ZDHHC15: variants seen among roughly 807,000 people sequenced by gnomAD.
ZDHHC15 encodes the protein palmitoyltransferase ZDHHC15.
ZDHHC15 carries 19 observed loss-of-function variants against 31.7 expected under a neutral mutation model. The observed-to-expected ratio is 0.60, with a 90% CI of 0.42 to 0.88. ZDHHC15 has a LOEUF of 0.88. Among genes scored for constraint, ZDHHC15 ranks in the 40% least tolerant of loss-of-function variants. The pLI is 0.00. For synonymous variants in ZDHHC15, 103 were observed against 90.0 expected (o/e 1.14, Z -0.82); for missense variants, 209 against 251.2 (o/e 0.83, Z 1.14).
chrX:75,449,443 A>G, intron 4 of ZDHHC15, among the ~76,000 whole-genome samples: 1 of 111,688 alleles, frequency 9.0e-6, no homozygotes, highest in Non-Finnish European at 1.9e-5. Flanking sequence ...ACCATTACCC[A>G]GATTCAACAA....
intron 7 of ZDHHC15, among the ~76,000 whole-genome samples, chrX:75,426,449 T>C (rs544883643): frequency 9.1e-6 from 1 of 110,361 alleles, no homozygotes; most frequent in South Asian, 3.9e-4. Flanking sequence ...TAAACTTTTT[T>C]TTTTTTTTAG....
At chrX:75,468,772 A>T (rs2084454521) in intron 3 of ZDHHC15, among the ~76,000 whole-genome samples, 1 of 112,014 alleles carries the variant, frequency 8.9e-6, no homozygotes, top group Admixed American at 9.5e-5. Context: ...CTATCCTAGT[A>T]GGTATCTATC....
intron 10 of ZDHHC15, among the ~76,000 whole-genome samples, chrX:75,415,551 T>C (rs5981357): frequency 7.1e-5 from 8 of 112,058 alleles, no homozygotes; most frequent in African/African-American, 2.6e-4. Context: ...CCTAGCATTG[T>C]AGTGGAAAAA....
At chrX:75,456,567 G>A (rs1485631343) in intron 3 of ZDHHC15, among the ~76,000 whole-genome samples, 1 of 111,583 alleles carries the variant, frequency 9.0e-6, no homozygotes, top group Non-Finnish European at 1.9e-5. Flanking sequence ...TGTCAAGGAT[G>A]TGGAGAAAGA....
intron 10 of ZDHHC15, among the ~76,000 whole-genome samples, chrX:75,393,229 A>G (rs1204077965): frequency 9.0e-6 from 1 of 111,423 alleles, no homozygotes; most frequent in East Asian, 2.8e-4. Flanking sequence ...CAAAATGTTC[A>G]GGTGGCAATC....
At chrX:75,487,074 C>T (rs2147998286) in intron 2 of ZDHHC15, among the ~76,000 whole-genome samples, 1 of 111,739 alleles carries the variant, frequency 8.9e-6, no homozygotes, top group Non-Finnish European at 1.9e-5. Context: ...GGCCAGCCAA[C>T]TCAAGCCATT....
At chrX:75,465,406 T>G (rs1208939837) in intron 3 of ZDHHC15, among the ~76,000 whole-genome samples, 1 of 111,977 alleles carries the variant, frequency 8.9e-6, no homozygotes, top group Non-Finnish European at 1.9e-5. Flanking sequence ...GATTGAATGC[T>G]ATTCCCATTA....
intron 2 of ZDHHC15, among the ~76,000 whole-genome samples, chrX:75,485,437 G>A: frequency 9.0e-6 from 1 of 110,870 alleles, no homozygotes; most frequent in Middle Eastern, 4.6e-3. Flanking sequence ...AGCTATGGTG[G>A]GAAGCAAAAT....
At chrX:75,485,526 T>C in intron 2 of ZDHHC15, among the ~76,000 whole-genome samples, 1 of 110,360 alleles carries the variant, frequency 9.1e-6, no homozygotes, top group East Asian at 2.8e-4. Flanking sequence ...TTTGGCTCAA[T>C]ATACGCCCCA....
chrX:75,423,924 A>T (rs1000340821), intron 8 of ZDHHC15, among the ~76,000 whole-genome samples: 7 of 111,105 alleles, frequency 6.3e-5, no homozygotes, highest in African/African-American at 2.3e-4. Flanking sequence ...CAAAACTTGG[A>T]CACTTTGTCC....
chrX:75,377,021 T>C (rs986866032), intron 11 of ZDHHC15, among the ~76,000 whole-genome samples: 1 of 111,517 alleles, frequency 9.0e-6, no homozygotes, highest in East Asian at 2.8e-4. Context: ...ATCTAATTAC[T>C]TGGACATATA....
At chrX:75,514,798 C>T (rs1015622961) in intron 1 of ZDHHC15, among the ~76,000 whole-genome samples, 19 of 111,321 alleles carry the variant, frequency 1.7e-4, no homozygotes, top group African/African-American at 5.9e-4. Flanking sequence ...GCTAGTACAG[C>T]AGTCCGAGAT....
At chrX:75,388,975 G>C (rs893534122) in intron 10 of ZDHHC15, among the ~76,000 whole-genome samples, 4 of 111,689 alleles carry the variant, frequency 3.6e-5, no homozygotes, top group Non-Finnish European at 5.6e-5. Context: ...AGACAGTCTT[G>C]AATTGCCTAC....
intron 9 of ZDHHC15, among the ~76,000 whole-genome samples, chrX:75,419,900 G>A (rs1221166037): frequency 1.2e-4 from 11 of 89,484 alleles, no homozygotes; most frequent in Middle Eastern, 6.0e-3. Flanking sequence ...ATTGAACAAT[G>A]AGAACACATG....
intron 7 of ZDHHC15, among the ~76,000 whole-genome samples, chrX:75,427,586 C>T (rs755531227): frequency 1.4e-4 from 15 of 110,787 alleles, no homozygotes; most frequent in African/African-American, 4.9e-4. Context: ...AGATCAAGGC[C>T]GACACTTTCC....
chrX:75,412,473 C>G (rs1305089606), intron 10 of ZDHHC15, among the ~76,000 whole-genome samples: 3 of 110,228 alleles, frequency 2.7e-5, no homozygotes, highest in Non-Finnish European at 5.7e-5. Context: ...ACTCCGTTGC[C>G]CAGGCTGAAG....
chrX:75,420,015 G>C (rs2083603744), intron 9 of ZDHHC15, among the ~76,000 whole-genome samples: 1 of 105,320 alleles, frequency 9.5e-6, no homozygotes, highest in African/African-American at 3.5e-5. Flanking sequence ...TGAGTTAATG[G>C]GTGCAGCACA....
At chrX:75,389,015 T>C (rs1208818934) in intron 10 of ZDHHC15, among the ~76,000 whole-genome samples, 2 of 111,546 alleles carry the variant, frequency 1.8e-5, no homozygotes, top group Non-Finnish European at 3.8e-5. Context: ...CTAGCAGTGG[T>C]TGCATGGTAT....
rs142539585 is a variant in ZDHHC15 at position 75,506,957 on chromosome X, G to T, written c.137-1110C>A. On this transcript the variant is annotated intron_variant, in intron 1 of 11. Transcript: ENST00000373367. ...CCCATTTGCTTGGCTACTTGCTAAA[G>T]TACTGTGGGTGAGGGAAAGTCACTT... 4.6e-3 allele frequency among the ~76,000 whole-genome samples: 510 copies of T among 111,470 alleles called. 1 individual carries two copies. The highest frequency in any genetic ancestry group is 0.015 in the African/African-American group (476 of 30,737).
Sources: allele counts gnomAD v4.1 joint callset (sites outside exome capture counted in the v4.1 genomes callset), GRCh38; gene constraint gnomAD v4.1.1; transcripts MANE v1.5; gene names NCBI Gene and HGNC (gene_info 2026-07-23, HGNC 2026-07-21).